NACC2: variants seen among roughly 807,000 people sequenced by gnomAD.
NACC2 encodes nucleus accumbens-associated protein 2.
A neutral mutation model predicts 25.1 loss-of-function variants in NACC2; 8 were observed. The ratio of observed to expected loss-of-function variants is 0.32; its 90% CI spans 0.19 to 0.57. The LOEUF (loss-of-function observed/expected upper bound fraction) is 0.57, where lower values mean the gene tolerates loss of function less well. Ranked by LOEUF, NACC2 falls within the 20% of genes least tolerant of loss-of-function variation. The probability of loss-of-function intolerance (pLI) is 0.89; values close to 1 mark genes in which losing one functional copy is unlikely to be tolerated. For synonymous variants in NACC2, 435 were observed against 294.7 expected (o/e 1.48, Z -4.88); for missense variants, 644 against 650.2 (o/e 0.99, Z 0.10).
rs1316899236 is a variant in NACC2, at chr9:136,013,090, G to C, written c.1255+109C>G. The C allele has an allele frequency of 1.2e-6, 1 of 850,600 alleles. No homozygotes were observed. Among genetic ancestry groups the C allele is most frequent in the East Asian group, 2.6e-5 (1 of 38,802 alleles). The allele number at this position is 850,600 out of a possible 1,614,324, so 52.7% of individuals were successfully genotyped here. ...CAGACCATGCTCGGCCCCCAGGGACGGAAGCTGCAGGTGGCCGGGAGCACC... is the reference window on the plus strand; with the variant it reads ...CAGACCATGCTCGGCCCCCAGGGACCGAAGCTGCAGGTGGCCGGGAGCACC... On this transcript the variant is annotated intron_variant, in intron 5 of 5. Transcript: ENST00000277554. This position sits in a 1 kb window ranked among gnomAD's most constrained non-coding sequence, Gnocchi z 6.6.
rs143588317 is a variant in NACC2 at position 136,059,971 on chromosome 9, C to T, written c.-59-9391G>A. Among the ~76,000 whole-genome samples the T allele has an allele frequency of 1.9e-3, 287 of 152,356 alleles. 1 individual carries two copies. Among genetic ancestry groups the T allele is most frequent in the Admixed American group, 3.7e-3 (56 of 15,308 alleles). ...CCCCTCCTCAGGGCGCACGGGGAGC[C>T]GCCTCGGGGGACCTGCAGGAGGCAC... On this transcript the variant is annotated intron_variant, in intron 1 of 5. Coordinates refer to ENST00000277554, the MANE Select transcript of NACC2 (RefSeq NM_144653.5).
chr9:136,036,187 T>C (rs1198676059), intron 2 of NACC2, among the ~76,000 whole-genome samples: 1 of 152,184 alleles, frequency 6.6e-6, no homozygotes, highest in African/African-American at 2.4e-5. Context: ...AATATTTAAA[T>C]AGGCACTTCA....
chr9:136,070,376 T>C (rs1841135648), intron 1 of NACC2, among the ~76,000 whole-genome samples: 1 of 151,558 alleles, frequency 6.6e-6, no homozygotes, highest in South Asian at 2.1e-4. Flanking sequence ...GGCGTGGTGG[T>C]GGGCGCCTAT....
intron 1 of NACC2, among the ~76,000 whole-genome samples, chr9:136,061,128 C>G (rs1324575526): frequency 6.6e-6 from 1 of 152,190 alleles, no homozygotes; most frequent in Non-Finnish European, 1.5e-5. Flanking sequence ...CTGCCTCCTC[C>G]CCTTGAATGC....
Position 136,021,531 on chromosome 9 carries a change from C to T in NACC2, c.887-5102G>A, listed in dbSNP as rs141601183. 2.0e-3 allele frequency among the ~76,000 whole-genome samples: 301 copies of T among 152,358 alleles called. 1 individual carries two copies. Among genetic ancestry groups the T allele is most frequent in the African/African-American group, 6.7e-3 (279 of 41,562 alleles). ...GGGAGAGTGCAAAGTGGCATGGCCA[C>T]TCTGGAAAACTGCTTGGTGGCTTCT... On this transcript the variant is annotated intron_variant, in intron 2 of 5. Coordinates refer to ENST00000277554, the MANE Select transcript of NACC2 (RefSeq NM_144653.5).
intron 1 of NACC2, among the ~76,000 whole-genome samples, chr9:136,075,719 C>T (rs887536887): frequency 1.3e-5 from 2 of 152,224 alleles, no homozygotes; most frequent in African/African-American, 4.8e-5. Context: ...CACCCCCGTG[C>T]AGACTGCGCC....
intron 2 of NACC2, among the ~76,000 whole-genome samples, chr9:136,030,437 A>G (rs1319023171): frequency 6.6e-6 from 1 of 151,808 alleles, no homozygotes; most frequent in Non-Finnish European, 1.5e-5. Context: ...GTGAAACCCC[A>G]TCTCTACTAA....
chr9:136,032,006 T>TGC (rs1840482128), intron 2 of NACC2, among the ~76,000 whole-genome samples: 1 of 145,808 alleles, frequency 6.9e-6, no homozygotes, highest in Non-Finnish European at 1.5e-5. Context: ...GCAAGGGTCG[T>TGC]CCTCGGCAGC....
At chr9:136,050,631 C>T (rs977467596) in intron 1 of NACC2, 51 bp from the exon 2 acceptor site, 4 of 680,524 alleles carry the variant, frequency 5.9e-6, no homozygotes, top group Middle Eastern at 3.8e-4. Context: ...ACGGGCTCCC[C>T]GCTCAAGGGG....
At chr9:136,078,353 G>A (rs1049860406) in intron 1 of NACC2, among the ~76,000 whole-genome samples, 7 of 152,162 alleles carry the variant, frequency 4.6e-5, no homozygotes, top group African/African-American at 1.7e-4. Context: ...GCACATCTGG[G>A]GGCAGGTTCT....
At chr9:136,064,403 C>T (rs1841055700) in intron 1 of NACC2, among the ~76,000 whole-genome samples, 1 of 152,214 alleles carries the variant, frequency 6.6e-6, no homozygotes, top group Non-Finnish European at 1.5e-5. Flanking sequence ...TTTCTCTACA[C>T]TTGCAATGAA....
At position 136,085,146 on chromosome 9, in the gene NACC2, T is replaced by TC. The variant is rs1258893497; in HGVS notation, c.-60+10042_-60+10043insG. ...AGACTCCATTTCTACAATTTTTTTT[T>TC]TTTTTTTTTTTTTTTTTGGCGAGAC... On this transcript the variant is annotated intron_variant, in intron 1 of 5. Transcript: ENST00000277554. Among the ~76,000 whole-genome samples the TC allele has an allele frequency of 2.5e-5, 3 of 121,348 alleles. 1 individual carries two copies. Among genetic ancestry groups the TC allele is most frequent in the Non-Finnish European group, 3.6e-5 (2 of 55,958 alleles). The allele number at this position is 121,348 out of a possible 152,430, so 79.6% of individuals were successfully genotyped here.
At position 136,050,054 on chromosome 9, in the gene NACC2, CGCG is replaced by C. The variant is rs1188637173; in HGVS notation, c.465_467del (p.Ala157del). On this transcript the variant is annotated inframe_deletion, in exon 2 of 6. Coordinates refer to ENST00000277554, the MANE Select transcript of NACC2 (RefSeq NM_144653.5). Reference sequence around the variant, plus strand: ...CCGAGGGGGACACGACGTAGGGGGCCGCGGCGGCGGCGGCCGGCTGCAGCTGGT... The same window carrying C: ...CCGAGGGGGACACGACGTAGGGGGCCGCGGCGGCGGCCGGCTGCAGCTGGT... 1.2e-4 allele frequency: 90 copies of C among 722,824 alleles called. No individual in the cohort carries two copies. Among genetic ancestry groups the C allele is most frequent in the South Asian group, 2.2e-4 (15 of 67,342 alleles). 44.8% of individuals were successfully genotyped at this position (722,824 alleles called of 1,614,324 possible).
Position 136,024,349 on chromosome 9 carries a change from GT to G in NACC2, c.887-7921del, listed in dbSNP as rs1564221591. Among the ~76,000 whole-genome samples the G allele has an allele frequency of 5.6e-4, 82 of 145,806 alleles. 6 individuals carry two copies. Among genetic ancestry groups the G allele is most frequent in the African/African-American group, 1.9e-3 (73 of 38,716 alleles). On this transcript the variant is annotated intron_variant, in intron 2 of 5. Coordinates refer to ENST00000277554, the MANE Select transcript of NACC2 (RefSeq NM_144653.5). ...CAGAGTGTGTGTGTGTGAGGACAGA[GT>G]GTGTGTGTGTGAGGACAGAAGGTGT...
intron 1 of NACC2, among the ~76,000 whole-genome samples, chr9:136,089,150 G>A (rs1023826185): frequency 6.6e-6 from 1 of 152,104 alleles, no homozygotes; most frequent in Admixed American, 6.5e-5. Context: ...CAGCCCGGGA[G>A]AACCAGCGGG....
chr9:136,022,840 GCCA>G lies in NACC2; in HGVS notation c.887-6414_887-6412del, dbSNP rs1468838754. 2.6e-5 allele frequency among the ~76,000 whole-genome samples: 4 copies of G among 151,488 alleles called. No homozygotes were observed. Among genetic ancestry groups the G allele is most frequent in the Non-Finnish European group, 4.4e-5 (3 of 67,956 alleles). On this transcript the variant is annotated intron_variant, in intron 2 of 5. Coordinates refer to ENST00000277554, the MANE Select transcript of NACC2 (RefSeq NM_144653.5). This position sits in a 1 kb window ranked among gnomAD's most constrained non-coding sequence, Gnocchi z 4.4. Reference sequence around the variant, plus strand: ...CTCTCATGTGCCACAGGGCAAAGGTGCCACCAATTTAATCATGCCACGCCATAA... The same window carrying G: ...CTCTCATGTGCCACAGGGCAAAGGTGCCAATTTAATCATGCCACGCCATAA...
At position 136,007,666 on chromosome 9, in the gene NACC2, C is replaced by A. The variant is rs528239035; in HGVS notation, c.*3850G>T. 1.3e-5 allele frequency: 2 copies of A among 152,260 alleles called. No individual in the cohort carries two copies. The highest frequency in any genetic ancestry group is 1.3e-4 in the Admixed American group (2 of 15,288). 9.4% of individuals were successfully genotyped at this position (152,260 alleles called of 1,614,324 possible). A position where few individuals can be genotyped will look rare whatever the true frequency, so the allele number is the denominator to read the frequency against. On this transcript the variant is annotated 3_prime_UTR_variant, in exon 6 of 6. Coordinates refer to ENST00000277554, the MANE Select transcript of NACC2 (RefSeq NM_144653.5). ...CAGTAGTTACAGCTGAGGACAGCTA[C>A]GAGCTCTGGATTCTGCGCTTAGGAC...
Position 136,083,227 on chromosome 9 carries a change from G to C in NACC2, c.-60+11962C>G, listed in dbSNP as rs1280827823. Among the ~76,000 whole-genome samples, 8 of 152,328 alleles carry C rather than the reference G, an allele frequency of 5.3e-5. No homozygotes were observed. In the East Asian group the frequency reaches 1.3e-3, roughly 26 times the overall value. ...GGCTCAGGGGAGCTGGTGGGGGTCA[G>C]AGCCCCTGGGGAGCTGCTCTCCTGA... is the stretch of plus-strand genomic sequence containing the variant. On this transcript the variant is annotated intron_variant, in intron 1 of 5. Transcript: ENST00000277554.
chr9:136,064,785 A>G (rs1225103703), intron 1 of NACC2, among the ~76,000 whole-genome samples: 1 of 152,210 alleles, frequency 6.6e-6, no homozygotes, highest in Admixed American at 6.5e-5. Context: ...AAGAGGAGCG[A>G]AGTTAGAGCA....
Sources: allele counts gnomAD v4.1 joint callset (sites outside exome capture counted in the v4.1 genomes callset), GRCh38; gene constraint gnomAD v4.1.1; non-coding constraint Gnocchi (gnomAD v3.1); transcripts MANE v1.5; gene names NCBI Gene and HGNC (gene_info 2026-07-23, HGNC 2026-07-21).